ZNF560: variants seen among roughly 807,000 people sequenced by gnomAD.
ZNF560 encodes zinc finger protein 560.
A neutral mutation model predicts 81.8 loss-of-function variants in ZNF560; 54 were observed. The observed-to-expected ratio is 0.66, with a 90% CI of 0.53 to 0.83. The LOEUF (loss-of-function observed/expected upper bound fraction) is 0.83, where lower values mean the gene tolerates loss of function less well. Ranked by LOEUF, ZNF560 falls within the 40% of genes least tolerant of loss-of-function variation. ZNF560 has a pLI of 0.00. For missense variants in ZNF560, 940 were observed against 932.4 expected (o/e 1.01, Z -0.11); for synonymous variants, 321 against 317.9 (o/e 1.01, Z -0.10).
chr19:9,495,178 T>C (rs1037588294), intron 2 of ZNF560, among the ~76,000 whole-genome samples: 2 of 152,080 alleles, frequency 1.3e-5, no homozygotes, highest in Admixed American at 6.6e-5. Flanking sequence ...AATAAAATTC[T>C]ACTGTAGGTT....
At chr19:9,495,063 G>T (rs10402626) in intron 2 of ZNF560, among the ~76,000 whole-genome samples, 22,886 of 152,060 alleles carry the variant, frequency 0.15, 2,582 homozygotes, top group African/African-American at 0.31. Context: ...AATACATTCT[G>T]TTATAGGCAG....
At chr19:9,457,314 G>T in the ZNF560 span, among the ~76,000 whole-genome samples, 1 of 152,218 alleles carries the variant, frequency 6.6e-6, no homozygotes, top group Admixed American at 6.5e-5. Flanking sequence ...AATAGCCATA[G>T]ATTTAAAAGA....
chr19:9,464,861 G>A (rs143988665), downstream of ZNF560, among the ~76,000 whole-genome samples: 104 of 152,210 alleles, frequency 6.8e-4, no homozygotes, highest in Middle Eastern at 3.4e-3. Flanking sequence ...GGCTTTGACA[G>A]GTTTCAGAGA....
At chr19:9,471,788 AC>A (rs1334970061) in intron 5 of ZNF560, among the ~76,000 whole-genome samples, 2 of 152,224 alleles carry the variant, frequency 1.3e-5, no homozygotes, top group Non-Finnish European at 2.9e-5. Context: ...AATGGCCTTA[AC>A]CTTGTGAGAG....
chr19:9,468,457 C>G, intron 9 of ZNF560, 123 bp from the exon 10 acceptor site: 2 of 691,416 alleles, frequency 2.9e-6, no homozygotes, highest in Non-Finnish European at 4.5e-6. Context: ...ATAGTTTCTA[C>G]CTTTTGGATT....
At chr19:9,483,977 G>T (rs2073345107) in intron 2 of ZNF560, among the ~76,000 whole-genome samples, 1 of 152,182 alleles carries the variant, frequency 6.6e-6, no homozygotes, top group African/African-American at 2.4e-5. Flanking sequence ...GGTTGCTGTT[G>T]ATCTGTGACC....
At chr19:9,504,270 A>G in the ZNF560 span, among the ~76,000 whole-genome samples, 1 of 152,062 alleles carries the variant, frequency 6.6e-6, no homozygotes. Context: ...CTCTGCTTCT[A>G]CTAAAAATAC....
the ZNF560 span, among the ~76,000 whole-genome samples, chr19:9,460,805 T>G: frequency 6.6e-6 from 1 of 152,166 alleles, no homozygotes; most frequent in South Asian, 2.1e-4. Flanking sequence ...AAAAAATGAA[T>G]GTACTCATTT....
intron 3 of ZNF560, among the ~76,000 whole-genome samples, chr19:9,474,979 A>G (rs1237132770): frequency 3.9e-5 from 6 of 152,162 alleles, no homozygotes; most frequent in Non-Finnish European, 8.8e-5. Flanking sequence ...GGCCAGGATT[A>G]GCCTTTGAGT....
At chr19:9,497,251 C>A (rs1026433952) in intron 2 of ZNF560, among the ~76,000 whole-genome samples, 1 of 151,980 alleles carries the variant, frequency 6.6e-6, no homozygotes, top group African/African-American at 2.4e-5. Flanking sequence ...TTTTAATTTT[C>A]TTGATGCAAA....
intron 2 of ZNF560, among the ~76,000 whole-genome samples, chr19:9,494,765 G>C (rs1418385189): frequency 6.6e-6 from 1 of 152,058 alleles, no homozygotes; most frequent in African/African-American, 2.4e-5. Flanking sequence ...AAATTAGCCA[G>C]GCATGGTGGC....
At position 9,484,144 on chromosome 19, in the gene ZNF560, A is replaced by G. The variant is rs557793490; in HGVS notation, c.-56-8775T>C. Among the ~76,000 whole-genome samples, 7 of 152,326 alleles carry G rather than the reference A, an allele frequency of 4.6e-5. No homozygotes were observed. The East Asian group carries it at 1.4e-3, about 29-fold the overall frequency. On this transcript the variant is annotated intron_variant, in intron 2 of 9. Coordinates refer to ENST00000301480, the MANE Select transcript of ZNF560 (RefSeq NM_152476.3). ...TCCCTAATCTCAAGTACCCAGAGACACAAACACTGTGGAAGGCCCCAGGGT... is the reference window on the plus strand; with the variant it reads ...TCCCTAATCTCAAGTACCCAGAGACGCAAACACTGTGGAAGGCCCCAGGGT...
chr19:9,500,569 T>C (rs1019884118), upstream of ZNF560, among the ~76,000 whole-genome samples: 3 of 151,946 alleles, frequency 2.0e-5, no homozygotes, highest in African/African-American at 4.8e-5. Flanking sequence ...TCCCTTCTGT[T>C]TCTAGTTTTC....
intron 2 of ZNF560, 81 bp from the exon 3 acceptor site, chr19:9,475,450 T>C: frequency 1.3e-6 from 1 of 746,760 alleles, no homozygotes; most frequent in East Asian, 2.7e-5. Context: ...TCCAACCTGG[T>C]TCGAAATTCT....
intron 5 of ZNF560, 121 bp from the exon 6 acceptor site, chr19:9,471,499 G>T: frequency 1.5e-6 from 1 of 684,522 alleles, no homozygotes; most frequent in Non-Finnish European, 2.2e-6. Context: ...AAAAAAGAAA[G>T]CTAAATTGAA....
chr19:9,499,524 A>G (rs1389197603), upstream of ZNF560, among the ~76,000 whole-genome samples: 1 of 152,116 alleles, frequency 6.6e-6, no homozygotes, highest in Non-Finnish European at 1.5e-5. Context: ...TTCTTCTTCA[A>G]CAATGTATTT....
At chr19:9,475,259 G>A in intron 3 of ZNF560, 25 bp downstream of exon 3, 1 of 1,612,226 alleles carries the variant, frequency 6.2e-7, no homozygotes, top group South Asian at 1.1e-5. Context: ...ATGTCATTTT[G>A]TGGAAGTATA....
chr19:9,492,729 T>A (rs1208768444), intron 2 of ZNF560, among the ~76,000 whole-genome samples: 1 of 152,196 alleles, frequency 6.6e-6, no homozygotes, highest in Non-Finnish European at 1.5e-5. Flanking sequence ...ACACAGTGTA[T>A]GCTCTGAATC....
At chr19:9,503,722 A>G in the ZNF560 span, among the ~76,000 whole-genome samples, 2 of 151,894 alleles carry the variant, frequency 1.3e-5, no homozygotes, top group Non-Finnish European at 2.9e-5. Context: ...AATTTTTTGT[A>G]GAGACAGGGG....
Sources: gnomAD v4.1 joint callset for allele counts (sites outside exome capture counted in the v4.1 genomes callset) on GRCh38, gnomAD v4.1.1 for gene constraint, MANE v1.5 for transcripts, NCBI Gene and HGNC (gene_info 2026-07-23, HGNC 2026-07-21) for gene names.